PPARA: variants seen among roughly 807,000 people sequenced by gnomAD.
The protein encoded by PPARA is peroxisome proliferator activated receptor alpha.
Under a neutral mutation model 42.2 loss-of-function variants are expected in PPARA, and 22 were observed. The ratio of observed to expected loss-of-function variants is 0.52; its 90% confidence interval spans 0.37 to 0.74. The LOEUF (loss-of-function observed/expected upper bound fraction) is 0.74, where lower values mean the gene tolerates loss of function less well. Ranked by LOEUF, PPARA falls within the 30% of genes least tolerant of loss-of-function variation. The pLI is 0.00. For missense variants in PPARA, 465 were observed against 608.2 expected, an observed-to-expected ratio of 0.76 and a Z score of 2.48; for synonymous variants, 242 against 239.3, an observed-to-expected ratio of 1.01 and a Z score of -0.10.
rs1464444400 is a variant in PPARA, at chr22:46,190,467, G to A, written c.-42-7875G>A. Among the ~76,000 whole-genome samples, 5 of 152,294 alleles carry A rather than the reference G, an allele frequency of 3.3e-5. No individual in the cohort carries two copies. In the East Asian group the frequency reaches 9.6e-4, roughly 29 times the overall value. ...CTGGAGGCTTTTGTATCACATATAA[G>A]TTCCAGGCTGGGTATGATGGCTCAC... On this transcript the variant is annotated intron_variant, in intron 3 of 8. Coordinates refer to ENST00000407236, the MANE Select transcript of PPARA (RefSeq NM_005036.6). The surrounding 1 kb of genome is among the most constrained non-coding windows in gnomAD (Gnocchi z 5.6).
At chr22:46,159,804 T>C (rs1925878091) in intron 2 of PPARA, among the ~76,000 whole-genome samples, 1 of 152,242 alleles carries the variant, frequency 6.6e-6, no homozygotes, top group African/African-American at 2.4e-5. Flanking sequence ...TTTAAATGTG[T>C]TTGAAGCCAA....
Position 46,195,630 on chromosome 22 carries a change from G to A in PPARA, c.-42-2712G>A, listed in dbSNP as rs185153433. 2.7e-4 allele frequency among the ~76,000 whole-genome samples: 41 copies of A among 152,322 alleles called. No homozygotes were observed. In the East Asian group the frequency reaches 7.7e-3, roughly 29 times the overall value. ...ACATCCCTTCCTCACCGCACTAAAAGCTGTTGTTTACATGAAGCAAACCTC... is the reference window on the plus strand; with the variant it reads ...ACATCCCTTCCTCACCGCACTAAAAACTGTTGTTTACATGAAGCAAACCTC... On this transcript the variant is annotated intron_variant, in intron 3 of 8. Coordinates refer to ENST00000407236, the MANE Select transcript of PPARA (RefSeq NM_005036.6). The surrounding 1 kb of genome is among the most constrained non-coding windows in gnomAD (Gnocchi z 4.6).
rs1569212164 is a variant in PPARA, at chr22:46,191,441, G to A, written c.-42-6901G>A. Among the ~76,000 whole-genome samples, 1 of 151,750 alleles carries A rather than the reference G, an allele frequency of 6.6e-6. No homozygotes were observed. Among genetic ancestry groups the A allele is most frequent in the Non-Finnish European group, 1.5e-5 (1 of 67,976 alleles). ...TCTGCAACTGTTGCTCCTGAGGAAGGGAGTGGAACTGATAATCTGTTCCTC... is the reference window on the plus strand; with the variant it reads ...TCTGCAACTGTTGCTCCTGAGGAAGAGAGTGGAACTGATAATCTGTTCCTC... On this transcript the variant is annotated intron_variant, in intron 3 of 8. Coordinates refer to ENST00000407236, the MANE Select transcript of PPARA (RefSeq NM_005036.6). The surrounding 1 kb of genome is among the most constrained non-coding windows in gnomAD (Gnocchi z 4.6).
intron 2 of PPARA, among the ~76,000 whole-genome samples, chr22:46,154,798 C>G (rs1026316251): frequency 7.3e-5 from 11 of 150,348 alleles, no homozygotes; most frequent in African/African-American, 2.7e-4. Flanking sequence ...CTCAGCCTCC[C>G]AAGCAGCTAG....
chr22:46,164,751 G>C (rs1926786584), intron 2 of PPARA: 1 of 152,208 alleles, frequency 6.6e-6, no homozygotes, highest in African/African-American at 2.4e-5. Flanking sequence ...AAAGGTGACA[G>C]TTTTCTGTTT....
In PPARA at chr22:46,220,403, C is replaced by T. The variant is rs1033486366; in HGVS notation, c.711+389C>T. The T allele has an allele frequency of 2.9e-5, 9 of 311,882 alleles. No homozygotes were observed. In the East Asian group the frequency reaches 4.3e-4, roughly 15 times the overall value. 19.3% of individuals were successfully genotyped at this position (311,882 alleles called of 1,614,324 possible). On this transcript the variant is annotated intron_variant, in intron 7 of 8. Transcript: ENST00000407236. ...AATCATAGTTCACTGCAGCCTTGAA[C>T]TCCTGGGCTCAAGCAATCCTCCTGC...
intron 3 of PPARA, among the ~76,000 whole-genome samples, chr22:46,194,837 G>A (rs1042608824): frequency 6.7e-6 from 1 of 149,638 alleles, no homozygotes; most frequent in Admixed American, 6.7e-5. Context: ...GCCTCCCAAA[G>A]TGCTGGGATT....
In PPARA at chr22:46,200,321, A is replaced by G. The variant is rs1296064394; in HGVS notation, c.208+1730A>G. On this transcript the variant is annotated intron_variant, in intron 4 of 8. Transcript: ENST00000407236. The surrounding 1 kb of genome is among the most constrained non-coding windows in gnomAD (Gnocchi z 4.8). ...GTGATTTCATCATTGTGTGAAAGTC[A>G]TAGAGTACACTTAAACCCAGATGGT... Among the ~76,000 whole-genome samples, 5 of 152,386 alleles carry G rather than the reference A, an allele frequency of 3.3e-5. No individual in the cohort carries two copies. Among genetic ancestry groups the G allele is most frequent in the Admixed American group, 3.3e-4 (5 of 15,302 alleles).
rs553546686 is a variant in PPARA, at chr22:46,240,327, G to A, written c.*4947G>A. 30 of 398,178 alleles carry A rather than the reference G, an allele frequency of 7.5e-5. No homozygotes were observed. The highest frequency in any genetic ancestry group is 2.6e-4 in the South Asian group (2 of 7,784). 24.7% of individuals were successfully genotyped at this position (398,178 alleles called of 1,614,324 possible). A position where few individuals can be genotyped will look rare whatever the true frequency, so the allele number is the denominator to read the frequency against. ...TAGGGCCTGCTGGGTGTTGCTAGCCGCTGGTCCCCAGGCACGGTGCACTTT... is the reference window on the plus strand; with the variant it reads ...TAGGGCCTGCTGGGTGTTGCTAGCCACTGGTCCCCAGGCACGGTGCACTTT... On this transcript the variant is annotated 3_prime_UTR_variant, in exon 9 of 9. Coordinates refer to ENST00000407236, the MANE Select transcript of PPARA (RefSeq NM_005036.6). The surrounding 1 kb of genome is among the most constrained non-coding windows in gnomAD (Gnocchi z 6.0).
chr22:46,185,952 TATATATATATATAC>T (rs1482099953), intron 3 of PPARA, among the ~76,000 whole-genome samples: 1,046 of 56,162 alleles, frequency 0.019, 141 homozygotes, highest in South Asian at 0.035. Context: ...TATATATATA[TATATATATATATAC>T]ACACACACTA....
chr22:46,202,747 C>T (rs1006529178), intron 4 of PPARA, among the ~76,000 whole-genome samples: 5 of 150,588 alleles, frequency 3.3e-5, no homozygotes, highest in Non-Finnish European at 5.9e-5. Context: ...CCTGTAATCC[C>T]GGCTACTCAG....
chr22:46,198,032 C>A (rs2147380149), intron 3 of PPARA, among the ~76,000 whole-genome samples: 1 of 151,312 alleles, frequency 6.6e-6, no homozygotes, highest in Non-Finnish European at 1.5e-5. Flanking sequence ...GAGATCGAGA[C>A]CACCCTGGCT....
chr22:46,169,241 A>C (rs149116361), intron 2 of PPARA, among the ~76,000 whole-genome samples: 1 of 151,568 alleles, frequency 6.6e-6, no homozygotes, highest in Non-Finnish European at 1.5e-5. Context: ...TACCTCACCA[A>C]TGCAAGATGT....
chr22:46,179,444 G>A (rs906224638), intron 3 of PPARA, among the ~76,000 whole-genome samples: 1 of 152,178 alleles, frequency 6.6e-6, no homozygotes, highest in African/African-American at 2.4e-5. Flanking sequence ...TGACAGAGGT[G>A]CAAAGGCAAT....
At position 46,230,887 on chromosome 22, in the gene PPARA, GGTGTTCACCCCTAAA is replaced by G. The variant is rs373644782; in HGVS notation, c.712-901_712-887del. On this transcript the variant is annotated intron_variant, in intron 7 of 8. Coordinates refer to ENST00000407236, the MANE Select transcript of PPARA (RefSeq NM_005036.6). The surrounding 1 kb of genome is among the most constrained non-coding windows in gnomAD (Gnocchi z 5.0). ...TATTCATTGAGCAGCGTTAAATAATGGTGTTCACCCCTAAAGTGCATATACTGGTAAAATTAAGAA... is the reference window on the plus strand; with the variant it reads ...TATTCATTGAGCAGCGTTAAATAATGGTGCATATACTGGTAAAATTAAGAA... Among the ~76,000 whole-genome samples the G allele has an allele frequency of 6.6e-6, 1 of 152,298 alleles. No homozygotes were observed. Among genetic ancestry groups the G allele is most frequent in the East Asian group, 1.9e-4 (1 of 5,194 alleles).
chr22:46,197,887 A>G (rs1932473715), intron 3 of PPARA, among the ~76,000 whole-genome samples: 1 of 141,830 alleles, frequency 7.1e-6, no homozygotes, highest in Admixed American at 7.1e-5. Context: ...CTGGGCGACA[A>G]GAGCAAGACT....
chr22:46,224,210 G>A lies in PPARA; in HGVS notation c.711+4196G>A, dbSNP rs553836549. Among the ~76,000 whole-genome samples, 20 of 152,338 alleles carry A rather than the reference G, an allele frequency of 1.3e-4. No individual in the cohort carries two copies. In the South Asian group the frequency reaches 3.9e-3, roughly 30 times the overall value. ...CCATGTCCTTGTCTGCGCACGGGACGCTGGAGGCACGGCCCCCTCCTCCCT... is the reference window on the plus strand; with the variant it reads ...CCATGTCCTTGTCTGCGCACGGGACACTGGAGGCACGGCCCCCTCCTCCCT... On this transcript the variant is annotated intron_variant, in intron 7 of 8. Transcript: ENST00000407236. The surrounding 1 kb of genome is among the most constrained non-coding windows in gnomAD (Gnocchi z 5.7).
In PPARA at chr22:46,242,956, T is replaced by C. The variant is rs1936416554; in HGVS notation, c.*7576T>C. ...CTAAAGACCCTTCACTATTCTTGTTTAGTAAATAGCTGTCTGCTCTTCAGG... is the reference window on the plus strand; with the variant it reads ...CTAAAGACCCTTCACTATTCTTGTTCAGTAAATAGCTGTCTGCTCTTCAGG... On this transcript the variant is annotated 3_prime_UTR_variant, in exon 9 of 9. Coordinates refer to ENST00000407236, the MANE Select transcript of PPARA (RefSeq NM_005036.6). This position sits in a 1 kb window ranked among gnomAD's most constrained non-coding sequence, Gnocchi z 6.1. The C allele has an allele frequency of 6.5e-6, 1 of 152,678 alleles. No individual in the cohort carries two copies. Among genetic ancestry groups the C allele is most frequent in the Admixed American group, 6.5e-5 (1 of 15,286 alleles). 9.5% of individuals were successfully genotyped at this position (152,678 alleles called of 1,614,324 possible). A position where few individuals can be genotyped will look rare whatever the true frequency, so the allele number is the denominator to read the frequency against.
rs148432058 is a variant in PPARA at position 46,187,728 on chromosome 22, C to T, written c.-42-10614C>T. ...AATGTGCCATGATTGGCACTGCTGG[C>T]CTCTCCTACCTCTGCAGACTCACCT... On this transcript the variant is annotated intron_variant, in intron 3 of 8. Transcript: ENST00000407236. The surrounding 1 kb of genome is among the most constrained non-coding windows in gnomAD (Gnocchi z 4.9). Among the ~76,000 whole-genome samples the T allele has an allele frequency of 9.0e-4, 137 of 152,318 alleles. No individual in the cohort carries two copies. The highest frequency in any genetic ancestry group is 3.0e-3 in the African/African-American group (126 of 41,572).
Sources: gnomAD v4.1 joint callset for allele counts (sites outside exome capture counted in the v4.1 genomes callset) on GRCh38, gnomAD v4.1.1 for gene constraint, Gnocchi (gnomAD v3.1) non-coding constraint, MANE v1.5 for transcripts, NCBI Gene and HGNC (gene_info 2026-07-23, HGNC 2026-07-21) for gene names.